Variants in PRKCB observed in about 807,000 individuals in gnomAD.
PRKCB encodes the protein protein kinase C beta type.
In PRKCB, 13 loss-of-function variants were observed where a neutral mutation model predicts 81.5. The ratio of observed to expected loss-of-function variants is 0.16; its 90% CI spans 0.10 to 0.25. PRKCB has a LOEUF of 0.25. Among genes scored for constraint, PRKCB ranks in the 10% least tolerant of loss-of-function variants. The probability of loss-of-function intolerance (pLI) is 1.00; values close to 1 mark genes in which losing one functional copy is unlikely to be tolerated. For synonymous variants in PRKCB, 335 were observed against 321.4 expected, an observed-to-expected ratio of 1.04 and a Z score of -0.45; for missense variants, 509 against 875.7, an observed-to-expected ratio of 0.58 and a Z score of 5.29.
intron 9 of PRKCB, among the ~76,000 whole-genome samples, chr16:24,132,476 A>C (rs749491824): frequency 6.6e-6 from 1 of 152,254 alleles, no homozygotes; most frequent in African/African-American, 2.4e-5. Flanking sequence ...TGAACAAAAC[A>C]AACAAATATA....
chr16:23,913,959 G>A (rs775493754), intron 2 of PRKCB, among the ~76,000 whole-genome samples: 1 of 152,188 alleles, frequency 6.6e-6, no homozygotes, highest in Non-Finnish European at 1.5e-5. Context: ...TCCTGTTGTA[G>A]GGGTGGGAAT....
intron 2 of PRKCB, among the ~76,000 whole-genome samples, chr16:23,950,781 T>C (rs752336414): frequency 1.3e-4 from 20 of 152,254 alleles, no homozygotes; most frequent in Non-Finnish European, 2.6e-4. Flanking sequence ...AGTGAAACTT[T>C]ATTTTTCCTG....
intron 2 of PRKCB, among the ~76,000 whole-genome samples, chr16:23,902,351 A>T (rs1170758619): frequency 6.6e-6 from 1 of 152,078 alleles, no homozygotes; most frequent in Non-Finnish European, 1.5e-5. Context: ...TCCACTGCAT[A>T]CCCCTCACCC....
intron 2 of PRKCB, among the ~76,000 whole-genome samples, chr16:23,898,128 C>T (rs557561866): frequency 1.6e-4 from 23 of 148,316 alleles, no homozygotes; most frequent in Admixed American, 6.1e-4. Context: ...TGCAGTGGTG[C>T]GATCTCGGTT....
intron 16 of PRKCB, among the ~76,000 whole-genome samples, chr16:24,196,039 G>T (rs1967873243): frequency 6.6e-6 from 1 of 152,146 alleles, no homozygotes; most frequent in African/African-American, 2.4e-5. Context: ...AACCGCTCAG[G>T]GAGGCTCTTG....
At chr16:23,981,789 C>T (rs1292473938) in intron 2 of PRKCB, among the ~76,000 whole-genome samples, 1 of 18,696 alleles carries the variant, frequency 5.3e-5, no homozygotes, top group Non-Finnish European at 9.8e-5. Flanking sequence ...TTCCCTTCCC[C>T]TTCCCTTCCC....
intron 5 of PRKCB, among the ~76,000 whole-genome samples, chr16:24,060,673 A>G (rs2141877155): frequency 6.6e-6 from 1 of 152,298 alleles, no homozygotes. Context: ...GGGGCAGCTC[A>G]CAGTCTATGA....
intron 15 of PRKCB, among the ~76,000 whole-genome samples, chr16:24,189,344 A>G (rs1967753082): frequency 6.6e-6 from 1 of 152,182 alleles, no homozygotes; most frequent in African/African-American, 2.4e-5. Context: ...ATGCATGTAA[A>G]TAAAGAAGTA....
chr16:24,189,843 G>C (rs1018732302), intron 15 of PRKCB, among the ~76,000 whole-genome samples: 2 of 152,166 alleles, frequency 1.3e-5, no homozygotes, highest in Non-Finnish European at 2.9e-5. Flanking sequence ...CCCATCATCA[G>C]CAAGTCCTGG....
intron 3 of PRKCB, among the ~76,000 whole-genome samples, chr16:24,012,497 C>A (rs569305071): frequency 1.3e-5 from 2 of 152,336 alleles, no homozygotes; most frequent in Admixed American, 1.3e-4. Flanking sequence ...GTCCTGTCTC[C>A]CTGCTTCCTC....
chr16:24,148,550 A>G (rs1012173817), intron 9 of PRKCB, among the ~76,000 whole-genome samples: 3 of 152,218 alleles, frequency 2.0e-5, no homozygotes, highest in African/African-American at 7.2e-5. Flanking sequence ...AATGAATTCC[A>G]TCTCTGTTGC....
At chr16:24,135,824 A>G (rs1235553620) in intron 9 of PRKCB, among the ~76,000 whole-genome samples, 2 of 152,240 alleles carry the variant, frequency 1.3e-5, no homozygotes, top group African/African-American at 4.8e-5. Context: ...ATGTGGTTAT[A>G]TAATCCTACA....
intron 2 of PRKCB, among the ~76,000 whole-genome samples, chr16:23,859,694 A>G (rs1962629605): frequency 6.6e-6 from 1 of 152,064 alleles, no homozygotes; most frequent in Non-Finnish European, 1.5e-5. Context: ...AGCAAGAGAG[A>G]GAAGACACTT....
intron 16 of PRKCB, among the ~76,000 whole-genome samples, chr16:24,198,686 T>C (rs1419883273): frequency 6.6e-6 from 1 of 152,196 alleles, no homozygotes; most frequent in East Asian, 1.9e-4. Context: ...ATCTGCCCAG[T>C]AGTAAACATG....
At chr16:23,923,660 T>C (rs1963857442) in intron 2 of PRKCB, among the ~76,000 whole-genome samples, 1 of 152,100 alleles carries the variant, frequency 6.6e-6, no homozygotes, top group African/African-American at 2.4e-5. Context: ...GACTGTCCAA[T>C]CTTCAGTTAC....
chr16:23,856,517 G>A (rs1962570342), intron 2 of PRKCB, among the ~76,000 whole-genome samples: 1 of 116,278 alleles, frequency 8.6e-6, no homozygotes, highest in Non-Finnish European at 1.7e-5. Context: ...GGTAGATATT[G>A]TTTCACGAAA....
intron 2 of PRKCB, among the ~76,000 whole-genome samples, chr16:23,882,010 CTTT>C: frequency 5.8e-5 from 6 of 103,856 alleles, no homozygotes; most frequent in African/African-American, 2.3e-4. Context: ...TTCTTTCTTT[CTTT>C]CTTTCTTTCT....
chr16:24,011,222 G>A (rs1965198988), intron 3 of PRKCB, among the ~76,000 whole-genome samples: 2 of 152,024 alleles, frequency 1.3e-5, no homozygotes, highest in African/African-American at 2.4e-5. Context: ...GGGCCAGGTC[G>A]TCCTTCCCAC....
At chr16:24,148,810 A>ACG (rs1967031683) in intron 9 of PRKCB, among the ~76,000 whole-genome samples, 1 of 152,236 alleles carries the variant, frequency 6.6e-6, no homozygotes, top group African/African-American at 2.4e-5. Flanking sequence ...ATTAGACCAT[A>ACG]GCCACACTCA....
Sources: allele counts gnomAD v4.1 joint callset (sites outside exome capture counted in the v4.1 genomes callset), GRCh38; gene constraint gnomAD v4.1.1; transcripts MANE v1.5; gene names NCBI Gene and HGNC (gene_info 2026-07-23, HGNC 2026-07-21).